The following REPS1 variants were observed in gnomAD, a reference collection of about 807,000 sequenced individuals.
The protein encoded by REPS1 is ralBP1-associated Eps domain-containing protein 1.
A neutral mutation model predicts 100.9 loss-of-function variants in REPS1; 39 were observed. That is an observed-to-expected ratio of 0.39 (90% CI 0.30 to 0.50). The LOEUF (loss-of-function observed/expected upper bound fraction) is 0.50. REPS1 is among the 20% of genes least tolerant of loss of function. The probability of loss-of-function intolerance (pLI) is 0.86; values close to 1 mark genes in which losing one functional copy is unlikely to be tolerated. For missense variants in REPS1, 821 were observed against 968.5 expected (o/e 0.85, Z 2.02); for synonymous variants, 324 against 340.3 (o/e 0.95, Z 0.53).
At chr6:138,966,928 TTAAACCACAGGCTA>T (rs1320875008) in intron 1 of REPS1, among the ~76,000 whole-genome samples, 2 of 152,266 alleles carry the variant, frequency 1.3e-5, no homozygotes, top group African/African-American at 4.8e-5. Context: ...AAGATACGCT[TTAAACCACAGGCTA>T]TGGTTTGAAG....
chr6:138,905,481 CGGGGTTT>C (rs1562504499), intron 19 of REPS1, among the ~76,000 whole-genome samples: 6 of 146,792 alleles, frequency 4.1e-5, no homozygotes, highest in African/African-American at 1.2e-4. Context: ...TTAGTAGAGA[CGGGGTTT>C]CACCTTGTTA....
chr6:138,931,917 G>A (rs115287884), intron 8 of REPS1, among the ~76,000 whole-genome samples: 1,585 of 152,212 alleles, frequency 0.01, 22 homozygotes, highest in African/African-American at 0.036. Context: ...GGTGAGTACT[G>A]AAGAAAATAA....
intron 2 of REPS1, among the ~76,000 whole-genome samples, chr6:138,945,995 C>T (rs1782588684): frequency 6.6e-6 from 1 of 152,140 alleles, no homozygotes; most frequent in Non-Finnish European, 1.5e-5. Context: ...TATTTCACCT[C>T]GTAACCACAG....
At chr6:138,945,425 T>A (rs1032618122) in intron 3 of REPS1, 53 bp from the exon 4 acceptor site, 2 of 1,583,486 alleles carry the variant, frequency 1.3e-6, no homozygotes, top group Admixed American at 3.6e-5. Flanking sequence ...ATTTTAATTA[T>A]TAAGCTACCA....
At chr6:138,974,397 T>C (rs1482357910) in intron 1 of REPS1, among the ~76,000 whole-genome samples, 1 of 152,218 alleles carries the variant, frequency 6.6e-6, no homozygotes, top group East Asian at 1.9e-4. Flanking sequence ...GAGATGCTGA[T>C]GTGAAGAGGT....
intron 7 of REPS1, among the ~76,000 whole-genome samples, chr6:138,941,782 T>A (rs1782267168): frequency 6.6e-6 from 1 of 152,230 alleles, no homozygotes; most frequent in South Asian, 2.1e-4. Flanking sequence ...GACCTATAAT[T>A]CACATGCATT....
chr6:138,961,293 G>A (rs920352395), intron 1 of REPS1, among the ~76,000 whole-genome samples: 2 of 152,140 alleles, frequency 1.3e-5, no homozygotes, highest in African/African-American at 4.8e-5. Context: ...CTGGAGTGCA[G>A]TGGCACGATC....
chr6:138,932,060 A>C (rs931189779), intron 8 of REPS1, among the ~76,000 whole-genome samples: 1 of 152,180 alleles, frequency 6.6e-6, no homozygotes, highest in Non-Finnish European at 1.5e-5. Flanking sequence ...TTTCAAGACC[A>C]CAGTTCTCAT....
intron 1 of REPS1, among the ~76,000 whole-genome samples, chr6:138,951,379 T>G (rs1005752430): frequency 7.9e-5 from 12 of 152,140 alleles, no homozygotes; most frequent in African/African-American, 2.9e-4. Context: ...ATCAATAAGA[T>G]ATAAGAGATT....
intron 10 of REPS1, among the ~76,000 whole-genome samples, chr6:138,923,203 T>C (rs977202640): frequency 2.6e-5 from 4 of 152,328 alleles, no homozygotes; most frequent in African/African-American, 7.2e-5. Context: ...AAGTTATATG[T>C]TGGTTATAAA....
intron 1 of REPS1, among the ~76,000 whole-genome samples, chr6:138,974,195 T>G (rs1784479590): frequency 6.6e-6 from 1 of 152,134 alleles, no homozygotes; most frequent in South Asian, 2.1e-4. Context: ...ATCCATCCCC[T>G]GAACGAATGG....
At chr6:138,922,232 G>T (rs1780821992) in intron 10 of REPS1, among the ~76,000 whole-genome samples, 2 of 152,056 alleles carry the variant, frequency 1.3e-5, no homozygotes, top group Non-Finnish European at 2.9e-5. Flanking sequence ...AGATGCCTAT[G>T]ACATTGCAAT....
intron 8 of REPS1, among the ~76,000 whole-genome samples, chr6:138,935,403 T>A (rs1389968065): frequency 6.6e-6 from 1 of 152,090 alleles, no homozygotes; most frequent in Non-Finnish European, 1.5e-5. Flanking sequence ...ATATAGGAGG[T>A]TCCTATTATC....
intron 11 of REPS1, 56 bp from the exon 12 acceptor site, chr6:138,920,372 T>G: frequency 1.1e-6 from 1 of 879,352 alleles, no homozygotes; most frequent in Non-Finnish European, 1.9e-6. Context: ...ACTGATAAAC[T>G]CATAAAGCTC....
chr6:138,938,948 A>G (rs572926851), intron 8 of REPS1, among the ~76,000 whole-genome samples: 14 of 151,992 alleles, frequency 9.2e-5, no homozygotes, highest in African/African-American at 3.1e-4. Flanking sequence ...CCTGGGTTCA[A>G]GCAATTCTCC....
At chr6:138,986,774 A>G (rs1785281858) in intron 1 of REPS1, among the ~76,000 whole-genome samples, 1 of 151,104 alleles carries the variant, frequency 6.6e-6, no homozygotes, top group South Asian at 2.1e-4. Flanking sequence ...CTCTGTTTCA[A>G]AAGCAGATAT....
chr6:138,928,318 T>C (rs935306486), intron 9 of REPS1: 1 of 152,220 alleles, frequency 6.6e-6, no homozygotes, highest in African/African-American at 2.4e-5. Context: ...GGTCATCTCC[T>C]ATACTGTCTT....
rs765282337 is a variant in REPS1, at chr6:138,944,557, T to C, written c.694A>G (p.Ser232Gly). 1.2e-6 allele frequency: 2 copies of C among 1,614,096 alleles called. No homozygotes were observed. Among genetic ancestry groups the C allele is most frequent in the Non-Finnish European group, 8.5e-7 (1 of 1,179,946 alleles). The change falls in exon 5 of 20, where the codon AGT becomes GGT. Residue 232 changes from serine (S) to glycine (G), a missense_variant. This residue lies in a region of REPS1 where 757 missense variants were observed against 866.4 expected (regional missense o/e 0.87). Transcript: ENST00000450536. ...SPPPPQENWV[S>G]FADTPPTSTL... ...CTGGTTGGTGGAGTATCTGCAAAAC[T>C]GACCCAGTTTTCTTGAGGTGGAGGT...
chr6:138,969,988 T>C (rs968407235), intron 1 of REPS1, among the ~76,000 whole-genome samples: 3 of 150,620 alleles, frequency 2.0e-5, no homozygotes, highest in Admixed American at 1.3e-4. Context: ...ATGCAAGGAC[T>C]GTAGTGGTGG....
Sources: allele counts gnomAD v4.1 joint callset (sites outside exome capture counted in the v4.1 genomes callset), GRCh38; gene constraint gnomAD v4.1.1; regional missense constraint gnomAD v4.1.1; transcripts MANE v1.5; gene names NCBI Gene and HGNC (gene_info 2026-07-23, HGNC 2026-07-21).